The following TBC1D15 variants were observed in gnomAD, a reference collection of about 807,000 sequenced individuals.
TBC1D15 encodes the protein GAP for RAB7.
A neutral mutation model predicts 95.4 loss-of-function variants in TBC1D15; 39 were observed. The observed-to-expected ratio is 0.41, with a 90% confidence interval of 0.32 to 0.53. The LOEUF (loss-of-function observed/expected upper bound fraction) is 0.53, where lower values mean the gene tolerates loss of function less well. TBC1D15 is among the 20% of genes least tolerant of loss of function. TBC1D15 has a pLI of 0.29. For synonymous variants in TBC1D15, 258 were observed against 261.3 expected (o/e 0.99, Z 0.12); for missense variants, 733 against 794.3 (o/e 0.92, Z 0.93).
chr12:71,854,355 T>A (rs1242023878), intron 1 of TBC1D15, among the ~76,000 whole-genome samples: 1 of 152,194 alleles, frequency 6.6e-6, no homozygotes, highest in African/African-American at 2.4e-5. Flanking sequence ...TATATAGGGT[T>A]TCTTTTTCCT....
intron 1 of TBC1D15, among the ~76,000 whole-genome samples, chr12:71,866,283 C>T (rs559881645): frequency 2.6e-5 from 4 of 152,302 alleles, no homozygotes; most frequent in Admixed American, 2.6e-4. Context: ...GTCTTTTGGG[C>T]CACAAGGACA....
intron 16 of TBC1D15, among the ~76,000 whole-genome samples, chr12:71,921,966 A>G (rs988636451): frequency 6.6e-6 from 1 of 152,208 alleles, no homozygotes; most frequent in African/African-American, 2.4e-5. Context: ...CTATTAAGAG[A>G]AAGGGCCTTG....
chr12:71,906,915 GAGTGAAATTAAT>G (rs990738322), intron 10 of TBC1D15, 95 bp from the exon 11 acceptor site: 24 of 539,216 alleles, frequency 4.5e-5, no homozygotes, highest in Non-Finnish European at 7.3e-5. Context: ...AAAGCTTGGT[GAGTGAAATTAAT>G]AGCAAGAAAA....
intron 4 of TBC1D15, 51 bp downstream of exon 4, chr12:71,880,658 A>G (rs753243470): frequency 2.0e-6 from 3 of 1,510,948 alleles, no homozygotes; most frequent in Non-Finnish European, 2.7e-6. Context: ...CAGTATACTA[A>G]TAAACAAAAA....
chr12:71,879,508 T>C (rs1324837353), intron 3 of TBC1D15, among the ~76,000 whole-genome samples: 1 of 152,208 alleles, frequency 6.6e-6, no homozygotes, highest in East Asian at 1.9e-4. Context: ...TATGTATGTA[T>C]GTGTTTAGAA....
Position 71,924,133 on chromosome 12 carries a change from G to C in TBC1D15, c.*929G>C, listed in dbSNP as rs988262428. ...AAATACTCTTGCAAAAAGTTTATTTGAAAAATTTCTAGATGGTCTCATGAG... is the reference window on the plus strand; with the variant it reads ...AAATACTCTTGCAAAAAGTTTATTTCAAAAATTTCTAGATGGTCTCATGAG... On this transcript the variant is annotated 3_prime_UTR_variant, in exon 17 of 17. Transcript: ENST00000485960. 1 of 152,404 alleles carries C rather than the reference G, an allele frequency of 6.6e-6. No homozygotes were observed. The highest frequency in any genetic ancestry group is 2.4e-5 in the African/African-American group (1 of 41,402). The allele number at this position is 152,404 out of a possible 1,614,324, so 9.4% of individuals were successfully genotyped here.
At chr12:71,886,249 A>G (rs145446311) in intron 5 of TBC1D15, among the ~76,000 whole-genome samples, 73 of 152,010 alleles carry the variant, frequency 4.8e-4, no homozygotes, top group Non-Finnish European at 2.1e-4. Context: ...GCTCACTGCA[A>G]CCTCTGCCTC....
chr12:71,848,037 C>T (rs1379919160), intron 1 of TBC1D15, among the ~76,000 whole-genome samples: 1 of 152,162 alleles, frequency 6.6e-6, no homozygotes, highest in South Asian at 2.1e-4. Flanking sequence ...GCAGAGGTTG[C>T]GGTGAGCCAA....
chr12:71,908,315 T>A (rs1901309645), intron 11 of TBC1D15, among the ~76,000 whole-genome samples: 1 of 152,252 alleles, frequency 6.6e-6, no homozygotes, highest in Admixed American at 6.5e-5. Context: ...ACAGCTTGTC[T>A]AACCATCAAC....
chr12:71,852,886 T>A (rs1888176125), intron 1 of TBC1D15, among the ~76,000 whole-genome samples: 1 of 152,176 alleles, frequency 6.6e-6, no homozygotes, highest in Admixed American at 6.5e-5. Flanking sequence ...CTTTCCCTCA[T>A]CTTCCTATCT....
intron 5 of TBC1D15, among the ~76,000 whole-genome samples, chr12:71,887,313 T>TAACCAGTGTA (rs1289591687): frequency 1.5e-5 from 2 of 137,510 alleles, no homozygotes; most frequent in Non-Finnish European, 3.1e-5. Context: ...ATTGAAGAGA[T>TAACCAGTGTA]AACCAGTGTA....
intron 1 of TBC1D15, among the ~76,000 whole-genome samples, chr12:71,862,776 G>T (rs928194481): frequency 6.6e-6 from 1 of 152,088 alleles, no homozygotes; most frequent in Non-Finnish European, 1.5e-5. Flanking sequence ...GGTAAGATTC[G>T]ATTCTGTTTG....
At chr12:71,868,157 A>T (rs1891874923) in intron 1 of TBC1D15, among the ~76,000 whole-genome samples, 1 of 151,834 alleles carries the variant, frequency 6.6e-6, no homozygotes, top group Non-Finnish European at 1.5e-5. Context: ...GTTTGGAATT[A>T]GGAGTTTTGG....
At chr12:71,897,739 C>T in intron 9 of TBC1D15, 108 bp from the exon 10 acceptor site, 2 of 718,836 alleles carry the variant, frequency 2.8e-6, no homozygotes, top group Non-Finnish European at 4.7e-6. Flanking sequence ...TTACATTCCA[C>T]TAGCATCATA....
At chr12:71,913,330 T>G (rs1902872102) in intron 11 of TBC1D15, 1 of 152,472 alleles carries the variant, frequency 6.6e-6, no homozygotes, top group Non-Finnish European at 1.5e-5. Context: ...TCTTGTTTTA[T>G]GTGGCTTACT....
intron 11 of TBC1D15, chr12:71,907,450 A>G: frequency 5.7e-6 from 1 of 175,648 alleles, no homozygotes; most frequent in Non-Finnish European, 1.2e-5. Context: ...ATTCTTTTTG[A>G]TGAAGTTATA....
At chr12:71,896,503 C>T (rs1898204061) in intron 8 of TBC1D15, 174 bp from the exon 9 acceptor site, 2 of 609,950 alleles carry the variant, frequency 3.3e-6, no homozygotes, top group South Asian at 2.2e-5. Flanking sequence ...CTGGCAGCTG[C>T]TTACATCTTT....
intron 1 of TBC1D15, among the ~76,000 whole-genome samples, chr12:71,856,404 G>A (rs1435116414): frequency 1.3e-5 from 2 of 152,054 alleles, no homozygotes; most frequent in African/African-American, 4.8e-5. Flanking sequence ...TTAGATGCAT[G>A]GTGCTGATTC....
At chr12:71,859,589 A>T (rs1889924245) in intron 1 of TBC1D15, among the ~76,000 whole-genome samples, 1 of 151,186 alleles carries the variant, frequency 6.6e-6, no homozygotes, top group Non-Finnish European at 1.5e-5. Context: ...ATAGTTTTGG[A>T]TCTTACATTT....
Sources: gnomAD v4.1 joint callset for allele counts (sites outside exome capture counted in the v4.1 genomes callset) on GRCh38, gnomAD v4.1.1 for gene constraint, MANE v1.5 for transcripts, NCBI Gene and HGNC (gene_info 2026-07-23, HGNC 2026-07-21) for gene names.